Variants in EPB41L3 observed in about 807,000 individuals in gnomAD.
EPB41L3 encodes the protein erythrocyte membrane protein band 4.1 like 3, also known as band 4.1-like protein 3.
Under a neutral mutation model 127.1 loss-of-function variants are expected in EPB41L3, and 57 were observed. The ratio of observed to expected loss-of-function variants is 0.45; its 90% confidence interval spans 0.36 to 0.56. The LOEUF is 0.56. Ranked by LOEUF, EPB41L3 falls within the 20% of genes least tolerant of loss-of-function variation. The probability of loss-of-function intolerance (pLI) is 0.00; values close to 1 mark genes in which losing one functional copy is unlikely to be tolerated. For synonymous variants in EPB41L3, 572 were observed against 549.5 expected, an observed-to-expected ratio of 1.04 and a Z score of -0.57; for missense variants, 1,273 against 1,372.2, an observed-to-expected ratio of 0.93 and a Z score of 1.14.
intron 8 of EPB41L3, 77 bp from the exon 9 acceptor site, chr18:5,428,542 T>A: frequency 6.5e-7 from 1 of 1,545,200 alleles, no homozygotes; most frequent in Non-Finnish European, 8.9e-7. Context: ...TATTTAAGCA[T>A]CCACGACAGA....
chr18:5,629,649 C>G (rs554575533), upstream of EPB41L3, among the ~76,000 whole-genome samples: 86 of 152,290 alleles, frequency 5.6e-4, no homozygotes, highest in African/African-American at 1.9e-3. Context: ...TCTGAGACTC[C>G]GCTCTCTGGG....
At chr18:5,496,939 T>G (rs1210204863) in intron 1 of EPB41L3, among the ~76,000 whole-genome samples, 1 of 152,180 alleles carries the variant, frequency 6.6e-6, no homozygotes, top group Non-Finnish European at 1.5e-5. Flanking sequence ...GTGTCAGAGA[T>G]AGATGCTGTT....
In EPB41L3 at chr18:5,395,978, C is replaced by T. The variant is rs561588411; in HGVS notation, c.2973+223G>A. Among the ~76,000 whole-genome samples the T allele has an allele frequency of 2.0e-5, 3 of 152,168 alleles. No individual in the cohort carries two copies. The South Asian group carries it at 6.3e-4, about 32-fold the overall frequency. The stretch of plus-strand genomic sequence containing the variant: ...GTGGCTAGGGAAACAGGTTTCTGAG[C>T]CTTTTTCTACACTTCAAGACACATA... On this transcript the variant is annotated intron_variant, in intron 19 of 22. Coordinates refer to ENST00000341928, the MANE Select transcript of EPB41L3 (RefSeq NM_012307.5).
rs111493182 is a variant in EPB41L3 at position 5,494,818 on chromosome 18, G to A, written c.-11-5624C>T. Among the ~76,000 whole-genome samples the A allele has an allele frequency of 5.4e-3, 821 of 152,316 alleles. 5 individuals carry two copies. Among genetic ancestry groups the A allele is most frequent in the African/African-American group, 0.017 (726 of 41,564 alleles). On this transcript the variant is annotated intron_variant, in intron 1 of 22. Transcript: ENST00000341928. ...TGATGTAGCAGGAAGGAAGGGGTGC[G>A]TGAGAGTGATGAGAGGTGAGGAAAA... is the stretch of plus-strand genomic sequence containing the variant.
chr18:5,402,267 G>A (rs12967091), intron 16 of EPB41L3, among the ~76,000 whole-genome samples: 7,783 of 150,382 alleles, frequency 0.052, 272 homozygotes, highest in Non-Finnish European at 0.074. Flanking sequence ...CATTAAATGT[G>A]GATTTTGTTT....
At chr18:5,396,477 C>G in intron 18 of EPB41L3, 145 bp from the exon 19 acceptor site, 1 of 851,154 alleles carries the variant, frequency 1.2e-6, no homozygotes, top group East Asian at 2.6e-5. Context: ...ATGAGGCATA[C>G]AACATGCACA....
intron 1 of EPB41L3, among the ~76,000 whole-genome samples, chr18:5,494,395 C>T (rs546456825): frequency 3.9e-5 from 6 of 152,164 alleles, no homozygotes; most frequent in African/African-American, 1.2e-4. Flanking sequence ...CAGTGGCTCA[C>T]GCCTGTAATC....
intron 13 of EPB41L3, among the ~76,000 whole-genome samples, chr18:5,412,596 C>A (rs2076332804): frequency 6.6e-6 from 1 of 152,140 alleles, no homozygotes; most frequent in Non-Finnish European, 1.5e-5. Context: ...AAGTGCTTCT[C>A]CTCCTATTTA....
intron 1 of EPB41L3, among the ~76,000 whole-genome samples, chr18:5,529,224 G>C (rs750402668): frequency 1.8e-4 from 27 of 152,100 alleles, no homozygotes; most frequent in Non-Finnish European, 3.5e-4. Flanking sequence ...CAGCCCCTCA[G>C]CTACATAGGA....
At chr18:5,554,428 G>C (rs1351573749) in intron 3 of EPB41L3, among the ~76,000 whole-genome samples, 1 of 152,182 alleles carries the variant, frequency 6.6e-6, no homozygotes, top group Non-Finnish European at 1.5e-5. Flanking sequence ...AGCTTGCCCA[G>C]GATTGGGATT....
chr18:5,429,276 A>G (rs770974699), intron 8 of EPB41L3: 1 of 152,092 alleles, frequency 6.6e-6, no homozygotes, highest in South Asian at 2.1e-4. Context: ...TCCTTTTGCT[A>G]CTTGCACATT....
Position 5,400,267 on chromosome 18 carries a change from A to C in EPB41L3, c.2350-2124T>G, listed in dbSNP as rs76545165. 3.0e-3 allele frequency: 722 copies of C among 242,604 alleles called. 2 individuals are homozygous for C. Among genetic ancestry groups the C allele is most frequent in the Non-Finnish European group, 5.1e-3 (613 of 120,868 alleles). The allele number at this position is 242,604 out of a possible 1,614,324, so 15.0% of individuals were successfully genotyped here. On this transcript the variant is annotated intron_variant, in intron 16 of 22. Coordinates refer to ENST00000341928, the MANE Select transcript of EPB41L3 (RefSeq NM_012307.5). ...TTTTGTATTCAGGGAGGCATAATAC[A>C]ATATGACCAGGTAGGTTAATAGCTT...
chr18:5,630,509 G>A (rs753584443), upstream of EPB41L3: 1 of 518,304 alleles, frequency 1.9e-6, no homozygotes, highest in Non-Finnish European at 3.9e-6. Flanking sequence ...CCTCCGCAGG[G>A]GCTCTTTCCT....
intron 1 of EPB41L3, among the ~76,000 whole-genome samples, chr18:5,533,175 T>C (rs1451927889): frequency 6.6e-6 from 1 of 152,062 alleles, no homozygotes; most frequent in African/African-American, 2.4e-5. Context: ...CGTCTGAAAA[T>C]GGTTACACAA....
chr18:5,407,798 G>A (rs2075656593), intron 14 of EPB41L3, 62 bp from the exon 15 acceptor site: 1 of 1,520,052 alleles, frequency 6.6e-7, no homozygotes, highest in African/African-American at 1.4e-5. Context: ...TAAGATTGAA[G>A]AACTATGGTC....
intron 3 of EPB41L3, among the ~76,000 whole-genome samples, chr18:5,561,212 C>G (rs931610306): frequency 1.3e-5 from 2 of 151,964 alleles, no homozygotes; most frequent in African/African-American, 4.8e-5. Flanking sequence ...CTCCTGACCT[C>G]GTGATCCGCC....
chr18:5,563,453 A>G (rs55697017), intron 3 of EPB41L3, among the ~76,000 whole-genome samples: 2 of 152,154 alleles, frequency 1.3e-5, no homozygotes, highest in Non-Finnish European at 2.9e-5. Context: ...ATTAATAGTA[A>G]CAAAGAAGTT....
chr18:5,400,859 G>T, intron 16 of EPB41L3: 1 of 699,830 alleles, frequency 1.4e-6, no homozygotes, highest in Non-Finnish European at 2.4e-6. Context: ...ACCTACCTTG[G>T]TTTTAAACAA....
At chr18:5,487,474 T>C (rs78314722) in intron 2 of EPB41L3, among the ~76,000 whole-genome samples, 5,852 of 151,312 alleles carry the variant, frequency 0.039, 283 homozygotes, top group East Asian at 0.15. Flanking sequence ...TAGTAAGTTT[T>C]ATTTGTATAT....
Sources: allele counts gnomAD v4.1 joint callset (sites outside exome capture counted in the v4.1 genomes callset), GRCh38; gene constraint gnomAD v4.1.1; transcripts MANE v1.5; gene names NCBI Gene and HGNC (gene_info 2026-07-23, HGNC 2026-07-21).